The following MYO1D variants were observed in gnomAD, a reference collection of about 807,000 sequenced individuals.
MYO1D encodes the protein myosin ID.
Under a neutral mutation model 122.0 loss-of-function variants are expected in MYO1D, and 83 were observed. The observed-to-expected ratio is 0.68, with a 90% CI of 0.57 to 0.82. The LOEUF (loss-of-function observed/expected upper bound fraction) is 0.82, where lower values mean the gene tolerates loss of function less well. MYO1D is among the 40% of genes least tolerant of loss of function. The pLI, the probability that MYO1D is intolerant of heterozygous loss-of-function variation, is 0.00. For missense variants in MYO1D, 1,157 were observed against 1,269.5 expected, an observed-to-expected ratio of 0.91 and a Z score of 1.35; for synonymous variants, 464 against 446.9, an observed-to-expected ratio of 1.04 and a Z score of -0.48.
chr17:32,669,790 A>G (rs1366963950), intron 16 of MYO1D, among the ~76,000 whole-genome samples: 3 of 152,244 alleles, frequency 2.0e-5, no homozygotes, highest in African/African-American at 7.2e-5. Context: ...TATAAAGCTT[A>G]CTTTAATTAA....
chr17:32,876,767 T>C lies in MYO1D; in HGVS notation c.95+11A>G, dbSNP rs1598176671. 4 of 1,498,316 alleles carry C rather than the reference T, an allele frequency of 2.7e-6. No individual in the cohort carries two copies. In the East Asian group the frequency reaches 1.2e-4, roughly 44 times the overall value. 92.8% of individuals were successfully genotyped at this position (1,498,316 alleles called of 1,614,324 possible). On this transcript the variant is annotated intron_variant, in intron 1 of 21. Coordinates refer to ENST00000318217, the MANE Select transcript of MYO1D (RefSeq NM_015194.3). Reference sequence around the variant, plus strand: ...GCCTCGCGCCCCTGCGCGCGGCCGCTCCGCCCTCACCTGAGCCTGAGGTTG... The same window carrying C: ...GCCTCGCGCCCCTGCGCGCGGCCGCCCCGCCCTCACCTGAGCCTGAGGTTG...
intron 21 of MYO1D, among the ~76,000 whole-genome samples, chr17:32,525,598 G>A (rs904162619): frequency 2.0e-5 from 3 of 152,078 alleles, no homozygotes; most frequent in African/African-American, 7.2e-5. Flanking sequence ...CCAAAAGGCC[G>A]AGAAGCGATC....
intron 20 of MYO1D, chr17:32,627,928 A>G (rs1169426928): frequency 6.6e-6 from 1 of 152,196 alleles, no homozygotes; most frequent in Non-Finnish European, 1.5e-5. Context: ...TAATGTCCAC[A>G]TGAACTCTAG....
chr17:32,859,943 C>T (rs1015949720), intron 1 of MYO1D, among the ~76,000 whole-genome samples: 4 of 152,200 alleles, frequency 2.6e-5, no homozygotes, highest in South Asian at 2.1e-4. Context: ...CTATCATCAG[C>T]GCCTGACTAT....
At chr17:32,499,953 A>G (rs1244905231) in intron 21 of MYO1D, among the ~76,000 whole-genome samples, 1 of 152,198 alleles carries the variant, frequency 6.6e-6, no homozygotes, top group Non-Finnish European at 1.5e-5. Flanking sequence ...ACAGAGCAAG[A>G]CCCCATCTTT....
intron 16 of MYO1D, among the ~76,000 whole-genome samples, chr17:32,672,223 T>C (rs2088731740): frequency 6.6e-6 from 1 of 152,218 alleles, no homozygotes; most frequent in Admixed American, 6.5e-5. Flanking sequence ...AGTGATATAC[T>C]TTGGATAACA....
chr17:32,635,848 T>C (rs1408581492), intron 20 of MYO1D, among the ~76,000 whole-genome samples: 1 of 152,210 alleles, frequency 6.6e-6, no homozygotes, highest in East Asian at 1.9e-4. Flanking sequence ...CCCTTAGCTA[T>C]GCCCTGTATG....
Position 32,765,113 on chromosome 17 carries a change from T to C in MYO1D, c.832-32A>G, listed in dbSNP as rs995004126. 3.9e-6 allele frequency: 6 copies of C among 1,528,414 alleles called. No individual in the cohort carries two copies. In the African/African-American group the frequency reaches 4.1e-5, roughly 10 times the overall value. 94.7% of individuals were successfully genotyped at this position (1,528,414 alleles called of 1,614,324 possible). A position where few individuals can be genotyped will look rare whatever the true frequency, so the allele number is the denominator to read the frequency against. Reference sequence around the variant, plus strand: ...CAAAAGTGAAAAAAATAACACATTATGAAACATTATGTCAAGGATATATTT... The same window carrying C: ...CAAAAGTGAAAAAAATAACACATTACGAAACATTATGTCAAGGATATATTT... On this transcript the variant is annotated intron_variant, in intron 7 of 21. Transcript: ENST00000318217.
chr17:32,605,721 A>C (rs546072155), intron 20 of MYO1D, among the ~76,000 whole-genome samples: 72 of 152,320 alleles, frequency 4.7e-4, no homozygotes, highest in African/African-American at 1.7e-3. Flanking sequence ...CACAGACATT[A>C]AAAGGATAAT....
rs192031092 is a variant in MYO1D at position 32,544,122 on chromosome 17, G to T, written c.2865-49207C>A. Among the ~76,000 whole-genome samples, 3 of 150,420 alleles carry T rather than the reference G, an allele frequency of 2.0e-5. No individual in the cohort carries two copies. In the East Asian group the frequency reaches 5.8e-4, roughly 29 times the overall value. On this transcript the variant is annotated intron_variant, in intron 21 of 21. Transcript: ENST00000318217. ...CTTGCTTTTTTTTTTTTGAGACAGG[G>T]TCTCACTCTGTTGCCCACACTGGAG...
intron 16 of MYO1D, among the ~76,000 whole-genome samples, chr17:32,704,133 G>T (rs1431836464): frequency 1.3e-5 from 2 of 152,134 alleles, no homozygotes; most frequent in Non-Finnish European, 2.9e-5. Context: ...AGTTTCTTCA[G>T]TGCCTTCTAG....
intron 1 of MYO1D, among the ~76,000 whole-genome samples, chr17:32,823,281 G>A (rs1388649757): frequency 6.6e-6 from 1 of 152,140 alleles, no homozygotes; most frequent in Non-Finnish European, 1.5e-5. Context: ...AGGATAGACT[G>A]AGTGAGCACC....
chr17:32,714,224 AC>A (rs1417182258), intron 15 of MYO1D, among the ~76,000 whole-genome samples: 1 of 112,696 alleles, frequency 8.9e-6, no homozygotes. Flanking sequence ...CCATTCTCCC[AC>A]CCCCACCCCA....
intron 21 of MYO1D, among the ~76,000 whole-genome samples, chr17:32,566,567 G>A (rs563573754): frequency 1.3e-5 from 2 of 152,036 alleles, no homozygotes; most frequent in African/African-American, 4.8e-5. Context: ...CCTCAGACCT[G>A]ATCTTGAGTA....
chr17:32,745,575 A>C (rs2089826792), intron 12 of MYO1D: 1 of 276,358 alleles, frequency 3.6e-6, no homozygotes, highest in Non-Finnish European at 6.8e-6. Context: ...AGCATTCCTA[A>C]GATAAAAGCA....
At chr17:32,742,258 T>C (rs1045504796) in intron 13 of MYO1D, among the ~76,000 whole-genome samples, 1 of 152,232 alleles carries the variant, frequency 6.6e-6, no homozygotes, top group Admixed American at 6.5e-5. Flanking sequence ...TGAACATGTA[T>C]GGATTTTGGT....
chr17:32,719,597 C>A (rs11655187), intron 15 of MYO1D, among the ~76,000 whole-genome samples: 74,604 of 151,716 alleles, frequency 0.49, 18,636 homozygotes, highest in East Asian at 0.73. Context: ...TGATCTGCCC[C>A]CCTCAGCCTC....
rs148298753 is a variant in MYO1D, at chr17:32,738,932, C to A, written c.1614-547G>T. ...TTGTCCCTCGTAAATCCCTTTACTGCAGTTCAAATTGTGAACAAATCTGTA... is the reference window on the plus strand; with the variant it reads ...TTGTCCCTCGTAAATCCCTTTACTGAAGTTCAAATTGTGAACAAATCTGTA... On this transcript the variant is annotated intron_variant, in intron 13 of 21. Transcript: ENST00000318217. Among the ~76,000 whole-genome samples, 400 of 152,160 alleles carry A rather than the reference C, an allele frequency of 2.6e-3. 1 individual carries two copies. The highest frequency in any genetic ancestry group is 8.7e-3 in the African/African-American group (362 of 41,520).
intron 1 of MYO1D, 66 bp downstream of exon 1, chr17:32,876,712 C>T (rs1056976266): frequency 7.4e-7 from 1 of 1,359,936 alleles, no homozygotes; most frequent in Non-Finnish European, 9.9e-7. Context: ...TCCGGCCGCG[C>T]CCCGAGGCGC....
Sources: gnomAD v4.1 joint callset for allele counts (sites outside exome capture counted in the v4.1 genomes callset) on GRCh38, gnomAD v4.1.1 for gene constraint, MANE v1.5 for transcripts, NCBI Gene and HGNC (gene_info 2026-07-23, HGNC 2026-07-21) for gene names.